Variants in RAB37 observed in about 807,000 individuals in gnomAD.
RAB37 encodes the protein RAB37, member RAS oncogene family.
RAB37 carries 29 observed loss-of-function variants against 33.1 expected under a neutral mutation model. That is an observed-to-expected ratio of 0.88 (90% CI 0.65 to 1.20). The LOEUF (loss-of-function observed/expected upper bound fraction) is 1.20, where lower values mean the gene tolerates loss of function less well. RAB37 is among the 50% of genes most tolerant of loss of function. The pLI, the probability that RAB37 is intolerant of heterozygous loss-of-function variation, is 0.00. For missense variants in RAB37, 299 were observed against 301.1 expected (o/e 0.99, Z 0.05); for synonymous variants, 128 against 119.5 (o/e 1.07, Z -0.47).
At chr17:74,699,889 C>G (rs1285166882) in intron 1 of RAB37, among the ~76,000 whole-genome samples, 1 of 152,028 alleles carries the variant, frequency 6.6e-6, no homozygotes, top group Non-Finnish European at 1.5e-5. Context: ...ACCTGTAATC[C>G]CAGCAACTTG....
chr17:74,697,983 C>T (rs1342903081), intron 1 of RAB37, among the ~76,000 whole-genome samples: 3 of 152,174 alleles, frequency 2.0e-5, no homozygotes, highest in Non-Finnish European at 4.4e-5. Flanking sequence ...CCTCCCCATT[C>T]CATGTCAGCT....
rs2034366331 is a variant in RAB37 at position 74,730,092 on chromosome 17, T to C, written c.183+726T>C. Among the ~76,000 whole-genome samples the C allele has an allele frequency of 6.6e-6, 1 of 152,176 alleles. No homozygotes were observed. Among genetic ancestry groups the C allele is most frequent in the Non-Finnish European group, 1.5e-5 (1 of 68,010 alleles). On this transcript the variant is annotated intron_variant, in intron 2 of 7. Transcript: ENST00000340415. This position sits in a 1 kb window ranked among gnomAD's most constrained non-coding sequence, Gnocchi z 4.4. ...TTACCACACATCCCATCTCCCCGCG[T>C]TGTCCCGTGCCTGCGGCTGCAGCTG...
At chr17:74,720,486 G>A (rs1453959332) in intron 1 of RAB37, among the ~76,000 whole-genome samples, 2 of 152,130 alleles carry the variant, frequency 1.3e-5, no homozygotes, top group Admixed American at 1.3e-4. Context: ...AGCTACTTGG[G>A]AGGCTGAGGC....
chr17:74,686,533 G>A (rs138151313), intron 1 of RAB37, among the ~76,000 whole-genome samples: 237 of 152,226 alleles, frequency 1.6e-3, no homozygotes, highest in African/African-American at 5.4e-3. Context: ...TGGGATTACA[G>A]GCGTACACCA....
At chr17:74,687,785 A>C (rs2032084143) in intron 1 of RAB37, among the ~76,000 whole-genome samples, 1 of 152,202 alleles carries the variant, frequency 6.6e-6, no homozygotes, top group African/African-American at 2.4e-5. Context: ...GAGCGGGTCC[A>C]TGCCTGGAGA....
At chr17:74,721,824 A>G (rs2034244510) in intron 1 of RAB37, among the ~76,000 whole-genome samples, 1 of 152,160 alleles carries the variant, frequency 6.6e-6, no homozygotes, top group South Asian at 2.1e-4. Context: ...GCTATCCAAA[A>G]TGGTTGCTCA....
intron 1 of RAB37, among the ~76,000 whole-genome samples, chr17:74,711,986 C>T (rs2034001419): frequency 6.7e-6 from 1 of 149,854 alleles, no homozygotes; most frequent in African/African-American, 2.5e-5. Context: ...GTCACTGCAG[C>T]CTCCAACTCC....
At chr17:74,741,803 A>G (rs746845923) in intron 2 of RAB37, among the ~76,000 whole-genome samples, 54 of 152,190 alleles carry the variant, frequency 3.5e-4, no homozygotes, top group South Asian at 2.3e-3. Flanking sequence ...TCACTAGAGA[A>G]TTAGTGGGCA....
intron 1 of RAB37, among the ~76,000 whole-genome samples, chr17:74,681,975 G>A (rs982821075): frequency 1.3e-5 from 2 of 152,204 alleles, no homozygotes; most frequent in Non-Finnish European, 2.9e-5. Context: ...AAGAGAACTG[G>A]GCTTTGAGTA....
At position 74,729,180 on chromosome 17, in the gene RAB37, C is replaced by G. The variant is rs55911845; in HGVS notation, c.73-76C>G. On this transcript the variant is annotated intron_variant, in intron 1 of 7. Transcript: ENST00000340415. This position sits in a 1 kb window ranked among gnomAD's most constrained non-coding sequence, Gnocchi z 4.2. ...CATGCGTGCTTAGAAAGAATCCACT[C>G]CCACAGCCACAAGGACACCTCTGAG... 3,017 of 995,476 alleles carry G rather than the reference C, an allele frequency of 3.0e-3. 14 individuals are homozygous for G. The highest frequency in any genetic ancestry group is 3.5e-3 in the Non-Finnish European group (2,168 of 616,368). The allele number at this position is 995,476 out of a possible 1,614,324, so 61.7% of individuals were successfully genotyped here.
intron 1 of RAB37, chr17:74,705,072 G>A: frequency 3.2e-6 from 2 of 629,280 alleles, no homozygotes; most frequent in African/African-American, 1.8e-5. Flanking sequence ...ACTTCCTGCA[G>A]TTCACCCCTC....
chr17:74,693,382 G>A (rs1237121141), intron 1 of RAB37, among the ~76,000 whole-genome samples: 1 of 152,218 alleles, frequency 6.6e-6, no homozygotes, highest in African/African-American at 2.4e-5. Flanking sequence ...TGGATCCCCT[G>A]AGAACTTGCA....
At chr17:74,675,056 A>G (rs2031795568) in intron 1 of RAB37, among the ~76,000 whole-genome samples, 1 of 152,228 alleles carries the variant, frequency 6.6e-6, no homozygotes, top group Admixed American at 6.5e-5. Context: ...TAAAATAGGA[A>G]TGATAATACC....
In RAB37 at chr17:74,730,560, T is replaced by C. The variant is rs936081886; in HGVS notation, c.183+1194T>C. On this transcript the variant is annotated intron_variant, in intron 2 of 7. Coordinates refer to the RAB37 transcript ENST00000340415. This position sits in a 1 kb window ranked among gnomAD's most constrained non-coding sequence, Gnocchi z 4.4. ...GGGACCGGCTGGGCTCTGGTAGTGC[T>C]GAATAGGGAAGGGCTGAGACCCAGG... Among the ~76,000 whole-genome samples the C allele has an allele frequency of 2.0e-5, 3 of 152,058 alleles. No homozygotes were observed. The highest frequency in any genetic ancestry group is 4.4e-5 in the Non-Finnish European group (3 of 67,976).
intron 1 of RAB37, among the ~76,000 whole-genome samples, chr17:74,728,785 CAT>C (rs1051150536): frequency 2.0e-5 from 3 of 151,524 alleles, no homozygotes; most frequent in Non-Finnish European, 4.4e-5. Flanking sequence ...GTTTCTGTGT[CAT>C]GTGTGTTCTG....
At chr17:74,727,098 G>A (rs548288232) in intron 1 of RAB37, among the ~76,000 whole-genome samples, 7 of 152,298 alleles carry the variant, frequency 4.6e-5, no homozygotes, top group African/African-American at 1.4e-4. Context: ...AGAGGAAGGC[G>A]GCCTTCCCCC....
chr17:74,735,692 G>A (rs1372581114), upstream of RAB37, among the ~76,000 whole-genome samples: 1 of 152,204 alleles, frequency 6.6e-6, no homozygotes, highest in Admixed American at 6.5e-5. Context: ...GCCCAGCTGA[G>A]GTTATAGCAC....
intron 1 of RAB37, among the ~76,000 whole-genome samples, chr17:74,697,945 T>C (rs1411295920): frequency 6.6e-6 from 1 of 152,168 alleles, no homozygotes; most frequent in Non-Finnish European, 1.5e-5. Context: ...TGTGTGTGCA[T>C]CCACTGGTGT....
At chr17:74,700,414 T>A (rs1307170824) in intron 1 of RAB37, among the ~76,000 whole-genome samples, 1 of 152,128 alleles carries the variant, frequency 6.6e-6, no homozygotes, top group Non-Finnish European at 1.5e-5. Context: ...GAGCTCTGTG[T>A]GGCTCACTTT....
Sources: allele counts gnomAD v4.1 joint callset (sites outside exome capture counted in the v4.1 genomes callset), GRCh38; gene constraint gnomAD v4.1.1; non-coding constraint Gnocchi (gnomAD v3.1); transcripts MANE v1.5; gene names NCBI Gene and HGNC (gene_info 2026-07-23, HGNC 2026-07-21).